The following PIK3CG variants were observed in gnomAD, a reference collection of about 807,000 sequenced individuals.
PIK3CG encodes the protein phosphatidylinositol-4,5-bisphosphate 3-kinase catalytic subunit gamma, also known as phosphatidylinositol 4,5-bisphosphate 3-kinase catalytic subunit gamma isoform.
In PIK3CG, 55 loss-of-function variants were observed where a neutral mutation model predicts 102.3. The ratio of observed to expected loss-of-function variants is 0.54; its 90% confidence interval spans 0.43 to 0.67. PIK3CG has a LOEUF of 0.67. Among genes scored for constraint, PIK3CG ranks in the 30% least tolerant of loss-of-function variants. The pLI, the probability that PIK3CG is intolerant of heterozygous loss-of-function variation, is 0.00. For missense variants in PIK3CG, 1,258 were observed against 1,391.8 expected (o/e 0.90, Z 1.53); for synonymous variants, 552 against 540.0 (o/e 1.02, Z -0.31).
chr7:106,905,433 A>G lies in PIK3CG; in HGVS notation c.*46A>G, dbSNP rs1434145363. On this transcript the variant is annotated 3_prime_UTR_variant, in exon 11 of 11. Coordinates refer to ENST00000496166, the MANE Select transcript of PIK3CG (RefSeq NM_001282426.2). The surrounding 1 kb of genome is among the most constrained non-coding windows in gnomAD (Gnocchi z 5.6). ...AACAAGTTAGTGTTCTATGGTTTAAATTAGCATAGCAATCATCGAACTTGG... is the reference window on the plus strand; with the variant it reads ...AACAAGTTAGTGTTCTATGGTTTAAGTTAGCATAGCAATCATCGAACTTGG... 2 of 1,537,684 alleles carry G rather than the reference A, an allele frequency of 1.3e-6. No individual in the cohort carries two copies. Among genetic ancestry groups the G allele is most frequent in the East Asian group, 2.3e-5 (1 of 44,344 alleles).
At position 106,868,880 on chromosome 7, in the gene PIK3CG, C is replaced by T. The variant is rs2116452319; in HGVS notation, c.1319C>T (p.Ala440Val). 1 of 1,614,218 alleles carries T rather than the reference C, an allele frequency of 6.2e-7. No individual in the cohort carries two copies. Residue 440 changes from alanine to valine, a missense_variant, in exon 2 of 11, where the codon GCA (alanine) becomes GTA (valine). Physicochemically the swap from Ala to Val is moderately conservative, Grantham distance 64. This residue lies in a region of PIK3CG where 832 missense variants were observed against 787.5 expected (regional missense o/e 1.06). Coordinates refer to ENST00000496166, the MANE Select transcript of PIK3CG (RefSeq NM_001282426.2). This position sits in a 1 kb window ranked among gnomAD's most constrained non-coding sequence, Gnocchi z 6.2. ...NLQIYCGKAP[A>V]LSSKASAESP... The stretch of plus-strand genomic sequence containing the variant: ...CAGATCTACTGCGGTAAAGCTCCAG[C>T]ACTGTCCAGCAAGGCCTCTGCAGAG...
rs549927744 is a variant in PIK3CG, at chr7:106,897,194, A to T, written c.3031-7915A>T. Among the ~76,000 whole-genome samples, 37 of 152,282 alleles carry T rather than the reference A, an allele frequency of 2.4e-4. No individual in the cohort carries two copies. The highest frequency in any genetic ancestry group is 5.5e-4 in the African/African-American group (23 of 41,548). On this transcript the variant is annotated intron_variant, in intron 10 of 10. Coordinates refer to ENST00000496166, the MANE Select transcript of PIK3CG (RefSeq NM_001282426.2). The surrounding 1 kb of genome is among the most constrained non-coding windows in gnomAD (Gnocchi z 4.6). ...CAGTCCCCTATTGTAGGACATTATT[A>T]ATAGATTGCTTTCAAGTTTCCACAA...
rs193162527 is a variant in PIK3CG at position 106,878,276 on chromosome 7, T to G, written c.2392-1243T>G. The stretch of plus-strand genomic sequence containing the variant: ...ATAATACGTCTTTTTCCCCAGGCTG[T>G]TTTTAAGATTCTTTTTTATTTCTGG... On this transcript the variant is annotated intron_variant, in intron 5 of 10. Coordinates refer to ENST00000496166, the MANE Select transcript of PIK3CG (RefSeq NM_001282426.2). Among the ~76,000 whole-genome samples, 375 of 152,330 alleles carry G rather than the reference T, an allele frequency of 2.5e-3. 3 individuals carry two copies. Among genetic ancestry groups the G allele is most frequent in the African/African-American group, 8.3e-3 (347 of 41,578 alleles).
rs772130347 is a variant in PIK3CG at position 106,908,677 on chromosome 7, T to TA, written c.*3296dup. 2.2e-4 allele frequency among the ~76,000 whole-genome samples: 33 copies of TA among 152,240 alleles called. No homozygotes were observed. The highest frequency in any genetic ancestry group is 3.4e-4 in the Non-Finnish European group (23 of 68,004). On this transcript the variant is annotated 3_prime_UTR_variant, in exon 11 of 11. Transcript: ENST00000496166. This position sits in a 1 kb window ranked among gnomAD's most constrained non-coding sequence, Gnocchi z 4.1. ...TTTTTCAGGTGATGAATTATTTTTT[T>TA]AAAAAAGGTTACATATAGGAATTCT...
chr7:106,894,485 C>T lies in PIK3CG; in HGVS notation c.3030+8193C>T, dbSNP rs989775654. On this transcript the variant is annotated intron_variant, in intron 10 of 10. Transcript: ENST00000496166. This position sits in a 1 kb window ranked among gnomAD's most constrained non-coding sequence, Gnocchi z 4.4. ...CAAATGCATGGCCAAGTACCAGACA[C>T]ACTCCTCTTTTGGATTTACCAGAAA... is the stretch of plus-strand genomic sequence containing the variant. Among the ~76,000 whole-genome samples, 2 of 152,212 alleles carry T rather than the reference C, an allele frequency of 1.3e-5. No individual in the cohort carries two copies. The highest frequency in any genetic ancestry group is 2.9e-5 in the Non-Finnish European group (2 of 68,028).
At chr7:106,889,750 G>A (rs998108038) in intron 10 of PIK3CG, among the ~76,000 whole-genome samples, 1 of 152,156 alleles carries the variant, frequency 6.6e-6, no homozygotes, top group African/African-American at 2.4e-5. Context: ...ACTGAAATAA[G>A]CTCTACTGCA....
In PIK3CG at chr7:106,867,319, G is replaced by A. The variant is rs561950047; in HGVS notation, c.-12-231G>A. 6.6e-6 allele frequency among the ~76,000 whole-genome samples: 1 copy of A among 152,264 alleles called. No homozygotes were observed. The highest frequency in any genetic ancestry group is 2.1e-4 in the South Asian group (1 of 4,812). On this transcript the variant is annotated intron_variant, in intron 1 of 10. Transcript: ENST00000496166. The surrounding 1 kb of genome is among the most constrained non-coding windows in gnomAD (Gnocchi z 5.1). ...TTGAGAGATGAGAAACAGGCTCAGA[G>A]ATTAAGCAGCCCAAATCACCCAGAA...
rs1381330272 is a variant in PIK3CG, at chr7:106,908,128, C to A, written c.*2741C>A. ...AAGCAACTTTTATGTATATCTAGGA[C>A]TGGCGACATAATTTGCAGAGCCCAG... On this transcript the variant is annotated 3_prime_UTR_variant, in exon 11 of 11. Transcript: ENST00000496166. This position sits in a 1 kb window ranked among gnomAD's most constrained non-coding sequence, Gnocchi z 4.1. Among the ~76,000 whole-genome samples the A allele has an allele frequency of 6.6e-6, 1 of 152,146 alleles. No homozygotes were observed. Among genetic ancestry groups the A allele is most frequent in the Non-Finnish European group, 1.5e-5 (1 of 68,028 alleles).
In PIK3CG at chr7:106,890,758, T is replaced by C. The variant is rs772579801; in HGVS notation, c.3030+4466T>C. On this transcript the variant is annotated intron_variant, in intron 10 of 10. Coordinates refer to ENST00000496166, the MANE Select transcript of PIK3CG (RefSeq NM_001282426.2). This position sits in a 1 kb window ranked among gnomAD's most constrained non-coding sequence, Gnocchi z 4.2. ...TGTCATTCTGAATAAAATCTAAATA[T>C]CCAGGCTTGGCCTGCTAGGCCCTGT... Among the ~76,000 whole-genome samples, 6 of 152,226 alleles carry C rather than the reference T, an allele frequency of 3.9e-5. No homozygotes were observed. The South Asian group carries it at 8.3e-4, about 21-fold the overall frequency.
At position 106,905,473 on chromosome 7, in the gene PIK3CG, A is replaced by G. The variant is rs2116620998; in HGVS notation, c.*86A>G. The G allele has an allele frequency of 2.4e-6, 3 of 1,251,490 alleles. No individual in the cohort carries two copies. The highest frequency in any genetic ancestry group is 3.4e-6 in the Non-Finnish European group (3 of 893,074). 77.5% of individuals were successfully genotyped at this position (1,251,490 alleles called of 1,614,324 possible). On this transcript the variant is annotated 3_prime_UTR_variant, in exon 11 of 11. Coordinates refer to ENST00000496166, the MANE Select transcript of PIK3CG (RefSeq NM_001282426.2). The surrounding 1 kb of genome is among the most constrained non-coding windows in gnomAD (Gnocchi z 5.6). ...ATCGAACTTGGATTTCAAATGCAAT[A>G]GACATTGTGAAAGCTGGCATTTCAG...
At chr7:106,881,002 G>A (rs1385460575) in intron 6 of PIK3CG, among the ~76,000 whole-genome samples, 1 of 151,944 alleles carries the variant, frequency 6.6e-6, no homozygotes, top group Non-Finnish European at 1.5e-5. Context: ...TGTGGACCTG[G>A]AAAATAGCTC....
rs1321856031 is a variant in PIK3CG at position 106,894,616 on chromosome 7, AC to A, written c.3030+8325del. 1.3e-5 allele frequency among the ~76,000 whole-genome samples: 2 copies of A among 152,242 alleles called. No homozygotes were observed. The highest frequency in any genetic ancestry group is 2.4e-5 in the African/African-American group (1 of 41,460). On this transcript the variant is annotated intron_variant, in intron 10 of 10. Coordinates refer to ENST00000496166, the MANE Select transcript of PIK3CG (RefSeq NM_001282426.2). The surrounding 1 kb of genome is among the most constrained non-coding windows in gnomAD (Gnocchi z 4.4). ...CAATGCATTGATTTTTATTAAAAAA[AC>A]AAAATAACAAAATAAAATTCTCTGC...
In PIK3CG at chr7:106,894,998, T is replaced by A. The variant is rs2116591173; in HGVS notation, c.3030+8706T>A. 6.6e-6 allele frequency among the ~76,000 whole-genome samples: 1 copy of A among 152,340 alleles called. No homozygotes were observed. Among genetic ancestry groups the A allele is most frequent in the South Asian group, 2.1e-4 (1 of 4,828 alleles). ...AACAATTCTTTCTGTTAGTACTAGA[T>A]GCTATAATTAAGGCATTTGAATCAA... On this transcript the variant is annotated intron_variant, in intron 10 of 10. Transcript: ENST00000496166. This position sits in a 1 kb window ranked among gnomAD's most constrained non-coding sequence, Gnocchi z 4.4.
At chr7:106,876,771 A>T (rs1790761051) in intron 5 of PIK3CG, among the ~76,000 whole-genome samples, 1 of 152,032 alleles carries the variant, frequency 6.6e-6, no homozygotes, top group Non-Finnish European at 1.5e-5. Flanking sequence ...CATTTTACAG[A>T]TATTTTCTGT....
In PIK3CG at chr7:106,868,677, C is replaced by T. The variant is rs1790414395; in HGVS notation, c.1116C>T (p.Val372=). 1 of 1,614,234 alleles carries T rather than the reference C, an allele frequency of 6.2e-7. No homozygotes were observed. The highest frequency in any genetic ancestry group is 8.5e-7 in the Non-Finnish European group (1 of 1,180,054). The change falls in exon 2 of 11, where the codon GTC becomes GTT. Residue 372 remains valine (V), a synonymous_variant. Coordinates refer to ENST00000496166, the MANE Select transcript of PIK3CG (RefSeq NM_001282426.2). This position sits in a 1 kb window ranked among gnomAD's most constrained non-coding sequence, Gnocchi z 6.2. ...RVKIRGIDIP[V]LPRNTDLTVF... ...AGATCAGAGGCATTGATATCCCCGT[C>T]CTGCCTCGGAACACCGACCTCACAG...
rs2116480765 is a variant in PIK3CG at position 106,872,483 on chromosome 7, T to C, written c.1996-54T>C. On this transcript the variant is annotated intron_variant, in intron 2 of 10. Coordinates refer to ENST00000496166, the MANE Select transcript of PIK3CG (RefSeq NM_001282426.2). The surrounding 1 kb of genome is among the most constrained non-coding windows in gnomAD (Gnocchi z 5.3). ...CAGTTCTTCTCCATTTCCTTTTCCC[T>C]GATTCAACGACATAGAGTACAGTCC... The C allele has an allele frequency of 7.2e-7, 1 of 1,385,770 alleles. No homozygotes were observed. The highest frequency in any genetic ancestry group is 1.0e-6 in the Non-Finnish European group (1 of 976,754). The allele number at this position is 1,385,770 out of a possible 1,614,324, so 85.8% of individuals were successfully genotyped here.
At chr7:106,887,482 T>C (rs561247634) in intron 10 of PIK3CG, among the ~76,000 whole-genome samples, 13 of 152,266 alleles carry the variant, frequency 8.5e-5, no homozygotes, top group African/African-American at 2.9e-4. Context: ...GTAGGATACA[T>C]TGTTTTGAAA....
chr7:106,896,458 A>G (rs1791411192), intron 10 of PIK3CG, among the ~76,000 whole-genome samples: 2 of 152,206 alleles, frequency 1.3e-5, no homozygotes, highest in African/African-American at 4.8e-5. Flanking sequence ...AAATTGTGCA[A>G]GTTGGCAAAT....
At position 106,897,060 on chromosome 7, in the gene PIK3CG, T is replaced by C. The variant is rs890922664; in HGVS notation, c.3031-8049T>C. On this transcript the variant is annotated intron_variant, in intron 10 of 10. Transcript: ENST00000496166. This position sits in a 1 kb window ranked among gnomAD's most constrained non-coding sequence, Gnocchi z 4.6. ...TACCAAAATGGGATGCATTGTTTTA[T>C]ACCTACCTCTTAAACACTTTTACAT... Among the ~76,000 whole-genome samples, 1 of 152,236 alleles carries C rather than the reference T, an allele frequency of 6.6e-6. No individual in the cohort carries two copies. The highest frequency in any genetic ancestry group is 1.5e-5 in the Non-Finnish European group (1 of 68,036).
Sources: allele counts gnomAD v4.1 joint callset (sites outside exome capture counted in the v4.1 genomes callset), GRCh38; gene constraint gnomAD v4.1.1; regional missense constraint gnomAD v4.1.1; non-coding constraint Gnocchi (gnomAD v3.1); transcripts MANE v1.5; gene names NCBI Gene and HGNC (gene_info 2026-07-23, HGNC 2026-07-21).